Variants in SPAG16 observed in about 807,000 individuals in gnomAD.
SPAG16 encodes the protein sperm associated antigen 16.
A neutral mutation model predicts 80.4 loss-of-function variants in SPAG16; 86 were observed. The ratio of observed to expected loss-of-function variants is 1.07; its 90% CI spans 0.90 to 1.28. The LOEUF is 1.28. SPAG16 is among the 50% of genes most tolerant of loss of function. The pLI, the probability that SPAG16 is intolerant of heterozygous loss-of-function variation, is 0.00. For missense variants in SPAG16, 870 were observed against 765.3 expected (o/e 1.14, Z -1.61); for synonymous variants, 294 against 265.9 (o/e 1.11, Z -1.03).
At chr2:213,322,833 GTATAAAC>G (rs2063681696) in intron 5 of SPAG16, among the ~76,000 whole-genome samples, 1 of 152,134 alleles carries the variant, frequency 6.6e-6, no homozygotes, top group African/African-American at 2.4e-5. Flanking sequence ...AAAAAGCCAA[GTATAAAC>G]TTGGGAAAAT....
At chr2:213,653,069 T>C (rs1377094526) in intron 10 of SPAG16, among the ~76,000 whole-genome samples, 1 of 151,750 alleles carries the variant, frequency 6.6e-6, no homozygotes, top group Non-Finnish European at 1.5e-5. Context: ...CATAGTCTCC[T>C]ATCCTTTTAT....
At chr2:214,329,917 TAGAG>T (rs1299399570) in intron 15 of SPAG16, among the ~76,000 whole-genome samples, 1 of 151,986 alleles carries the variant, frequency 6.6e-6, no homozygotes, top group Non-Finnish European at 1.5e-5. Context: ...TTGGAACCAT[TAGAG>T]AGAAAAAGAA....
At chr2:214,170,352 A>G (rs984683787) in intron 15 of SPAG16, among the ~76,000 whole-genome samples, 10 of 151,940 alleles carry the variant, frequency 6.6e-5, no homozygotes, top group African/African-American at 1.4e-4. Context: ...CATTGCTGCA[A>G]TTCTACCTAG....
intron 15 of SPAG16, among the ~76,000 whole-genome samples, chr2:214,268,230 A>C (rs141569080): frequency 1.0e-3 from 153 of 152,010 alleles, no homozygotes; most frequent in African/African-American, 3.6e-3. Context: ...ATTGCAAATT[A>C]ATACAGCCAT....
chr2:213,411,702 CCTCGATT>C lies in SPAG16; in HGVS notation c.942+36586_942+36592del, dbSNP rs2068974477. 1.3e-5 allele frequency among the ~76,000 whole-genome samples: 2 copies of C among 152,202 alleles called. 1 individual carries two copies. Among genetic ancestry groups the C allele is most frequent in the South Asian group, 4.2e-4 (2 of 4,814 alleles). ...TTCAGTAAATGGAAAGGAATAATAG[CCTCGATT>C]CTTATTTCCCTCGCAGCCGTAATAG... On this transcript the variant is annotated intron_variant, in intron 9 of 15. Transcript: ENST00000331683.
chr2:214,213,287 A>G (rs2058344169), intron 15 of SPAG16, among the ~76,000 whole-genome samples: 3 of 152,158 alleles, frequency 2.0e-5, no homozygotes, highest in African/African-American at 7.2e-5. Context: ...CCACCCCTGA[A>G]TTTTTTTATT....
At chr2:213,458,824 T>G (rs2072192147) in intron 9 of SPAG16, among the ~76,000 whole-genome samples, 2 of 152,240 alleles carry the variant, frequency 1.3e-5, no homozygotes, top group Non-Finnish European at 2.9e-5. Flanking sequence ...TATTTCCCTC[T>G]GGCTACATTT....
intron 10 of SPAG16, among the ~76,000 whole-genome samples, chr2:213,711,997 TC>T (rs1056699091): frequency 6.6e-6 from 1 of 152,040 alleles, no homozygotes; most frequent in African/African-American, 2.4e-5. Context: ...TTTACACAAT[TC>T]CAGGAGGCAC....
At chr2:213,600,755 C>A (rs950960557) in intron 10 of SPAG16, among the ~76,000 whole-genome samples, 1 of 152,102 alleles carries the variant, frequency 6.6e-6, no homozygotes, top group Non-Finnish European at 1.5e-5. Context: ...AATTTTTACC[C>A]GAGAGAAATT....
At chr2:213,871,286 G>T (rs4407196) in intron 11 of SPAG16, among the ~76,000 whole-genome samples, 90,147 of 151,708 alleles carry the variant, frequency 0.59, 28,675 homozygotes, top group South Asian at 0.85. Flanking sequence ...AAAGCAGAGA[G>T]AATATGGGGG....
chr2:213,827,545 G>C (rs1251370506), intron 10 of SPAG16, among the ~76,000 whole-genome samples: 1 of 151,786 alleles, frequency 6.6e-6, no homozygotes, highest in African/African-American at 2.4e-5. Flanking sequence ...CTTAACATAT[G>C]AGTAATCTAC....
In SPAG16 at chr2:213,886,656, G is replaced by C. The variant is rs77203764; in HGVS notation, c.1214+24028G>C. 4.7e-3 allele frequency among the ~76,000 whole-genome samples: 718 copies of C among 152,132 alleles called. 5 individuals carry two copies. Among genetic ancestry groups the C allele is most frequent in the African/African-American group, 0.016 (654 of 41,528 alleles). ...ATGAGAGGAGTGCCAACAAACTTCT[G>C]AGGGGAAACAAGCAACTATCACAGC... is the stretch of plus-strand genomic sequence containing the variant. On this transcript the variant is annotated intron_variant, in intron 11 of 15. Transcript: ENST00000331683.
At chr2:213,287,937 G>T (rs1369982820) in intron 1 of SPAG16, among the ~76,000 whole-genome samples, 1 of 152,086 alleles carries the variant, frequency 6.6e-6, no homozygotes, top group Non-Finnish European at 1.5e-5. Context: ...ATGAGGTATT[G>T]CTCTGCTACC....
chr2:213,596,557 A>G (rs2124949503), intron 10 of SPAG16, among the ~76,000 whole-genome samples: 1 of 152,286 alleles, frequency 6.6e-6, no homozygotes, highest in African/African-American at 2.4e-5. Context: ...CAAATTTTCA[A>G]ATAAAAACAG....
chr2:213,325,095 A>G (rs745344775), intron 5 of SPAG16, among the ~76,000 whole-genome samples: 1 of 152,030 alleles, frequency 6.6e-6, no homozygotes, highest in Non-Finnish European at 1.5e-5. Flanking sequence ...TGATCTTATA[A>G]TTGAATTGTA....
intron 1 of SPAG16, among the ~76,000 whole-genome samples, chr2:213,287,081 A>G (rs2062082613): frequency 1.3e-5 from 2 of 152,030 alleles, no homozygotes; most frequent in Admixed American, 1.3e-4. Flanking sequence ...AGATACAAAT[A>G]TACATTGTTC....
chr2:213,913,465 A>G (rs116664001), intron 11 of SPAG16, among the ~76,000 whole-genome samples: 1,694 of 151,132 alleles, frequency 0.011, 31 homozygotes, highest in African/African-American at 0.04. Flanking sequence ...GAGAAATATA[A>G]TAGAACGAAT....
intron 5 of SPAG16, among the ~76,000 whole-genome samples, chr2:213,324,629 T>C (rs1239913793): frequency 6.6e-6 from 1 of 152,182 alleles, no homozygotes; most frequent in African/African-American, 2.4e-5. Context: ...GTATAATGTA[T>C]ACTACAACTT....
At chr2:214,318,413 G>A (rs1318100406) in intron 15 of SPAG16, among the ~76,000 whole-genome samples, 8 of 119,062 alleles carry the variant, frequency 6.7e-5, no homozygotes, top group African/African-American at 1.9e-4. Context: ...ACAGGGTCTC[G>A]CTCTGTTGCC....
Sources: allele counts gnomAD v4.1 joint callset (sites outside exome capture counted in the v4.1 genomes callset), GRCh38; gene constraint gnomAD v4.1.1; transcripts MANE v1.5; gene names NCBI Gene and HGNC (gene_info 2026-07-23, HGNC 2026-07-21).